Variants in DPP6 observed in about 807,000 individuals in gnomAD.
The protein encoded by DPP6 is A-type potassium channel modulatory protein DPP6.
DPP6 carries 69 observed loss-of-function variants against 122.6 expected under a neutral mutation model. The ratio of observed to expected loss-of-function variants is 0.56; its 90% CI spans 0.46 to 0.69. The LOEUF is 0.69. DPP6 is among the 30% of genes least tolerant of loss of function. The pLI, the probability that DPP6 is intolerant of heterozygous loss-of-function variation, is 0.00. For missense variants in DPP6, 928 were observed against 1,116.9 expected, an observed-to-expected ratio of 0.83 and a Z score of 2.41; for synonymous variants, 418 against 433.1, an observed-to-expected ratio of 0.97 and a Z score of 0.43.
the DPP6 span, among the ~76,000 whole-genome samples, chr7:153,855,948 G>A: frequency 6.6e-6 from 1 of 152,066 alleles, no homozygotes; most frequent in Non-Finnish European, 1.5e-5. Flanking sequence ...CAACTATTAT[G>A]TAGTGCCATA....
At chr7:153,867,519 GA>G in the DPP6 span, among the ~76,000 whole-genome samples, 48 of 152,342 alleles carry the variant, frequency 3.2e-4, no homozygotes, top group African/African-American at 1.1e-3. Context: ...AGACTTTGCT[GA>G]AGTTGCTTAT....
At chr7:154,868,206 G>A (rs1167932610) in intron 18 of DPP6, 113 bp downstream of exon 18, 56 of 1,379,426 alleles carry the variant, frequency 4.1e-5, no homozygotes, top group Non-Finnish European at 5.0e-5. Context: ...CAAGCACGGG[G>A]GTGTATCTTT....
chr7:154,310,961 G>C (rs1332131076), intron 1 of DPP6, among the ~76,000 whole-genome samples: 1 of 152,224 alleles, frequency 6.6e-6, no homozygotes, highest in Non-Finnish European at 1.5e-5. Flanking sequence ...AGAGAGGGCA[G>C]AGTGAATCTG....
chr7:154,706,551 C>A (rs1023667852), intron 7 of DPP6, among the ~76,000 whole-genome samples: 2 of 152,178 alleles, frequency 1.3e-5, no homozygotes, highest in Non-Finnish European at 2.9e-5. Flanking sequence ...AAATGCACAG[C>A]CTTGGGCAGG....
intron 17 of DPP6, among the ~76,000 whole-genome samples, chr7:154,862,096 T>G (rs981576123): frequency 6.6e-6 from 1 of 152,226 alleles, no homozygotes; most frequent in African/African-American, 2.4e-5. Flanking sequence ...TACCCATTAC[T>G]GGGGGAGTTC....
chr7:153,941,499 G>C (rs1210919825), intron 1 of DPP6, among the ~76,000 whole-genome samples: 6 of 152,166 alleles, frequency 3.9e-5, no homozygotes, highest in Admixed American at 3.9e-4. Flanking sequence ...GCCATGGAAT[G>C]ATTCCCTGGC....
intron 5 of DPP6, among the ~76,000 whole-genome samples, chr7:154,632,833 G>T (rs1835488645): frequency 6.6e-6 from 1 of 152,170 alleles, no homozygotes; most frequent in Admixed American, 6.5e-5. Context: ...GAGAGAAGGA[G>T]GGGAGAGGGT....
the DPP6 span, among the ~76,000 whole-genome samples, chr7:153,864,529 G>A: frequency 3.9e-5 from 6 of 151,960 alleles, no homozygotes; most frequent in South Asian, 2.1e-4. Context: ...GGTGGTGGGC[G>A]CCTCTAATCC....
At chr7:153,809,511 G>A in the DPP6 span, among the ~76,000 whole-genome samples, 2 of 152,150 alleles carry the variant, frequency 1.3e-5, no homozygotes, top group East Asian at 3.9e-4. Flanking sequence ...AATGCTCAGT[G>A]GTAACACTTC....
In DPP6 at chr7:154,442,635, C is replaced by A. The variant is rs150150370; in HGVS notation, c.244-3579C>A. Among the ~76,000 whole-genome samples, 394 of 152,206 alleles carry A rather than the reference C, an allele frequency of 2.6e-3. 4 individuals are homozygous for A. The highest frequency in any genetic ancestry group is 8.8e-3 in the African/African-American group (364 of 41,522). On this transcript the variant is annotated intron_variant, in intron 1 of 25. Transcript: ENST00000377770. ...ATTTGGCCTAGAGGTAGAAAGAGGACAGACTTGCCATGTCACAGGGGCAAA... is the reference window on the plus strand; with the variant it reads ...ATTTGGCCTAGAGGTAGAAAGAGGAAAGACTTGCCATGTCACAGGGGCAAA...
chr7:154,498,358 A>AGAT (rs1337436705), intron 3 of DPP6, among the ~76,000 whole-genome samples: 1 of 152,060 alleles, frequency 6.6e-6, no homozygotes, highest in Admixed American at 6.6e-5. Context: ...TTATTTTTTG[A>AGAT]GATGGAGTCT....
chr7:154,581,837 C>T (rs1832091036), intron 5 of DPP6, among the ~76,000 whole-genome samples: 2 of 152,196 alleles, frequency 1.3e-5, no homozygotes, highest in Non-Finnish European at 2.9e-5. Flanking sequence ...CTCATATCCC[C>T]GGAATGTCCC....
At chr7:154,328,995 AGG>A (rs1808684669) in intron 1 of DPP6, among the ~76,000 whole-genome samples, 1 of 152,226 alleles carries the variant, frequency 6.6e-6, no homozygotes. Flanking sequence ...CTCTGTAAGT[AGG>A]GTTTTCCATC....
chr7:154,567,139 C>G (rs1378880094), intron 5 of DPP6, among the ~76,000 whole-genome samples: 4 of 152,162 alleles, frequency 2.6e-5, no homozygotes, highest in Non-Finnish European at 4.4e-5. Context: ...GAGGCTCTTT[C>G]ATAGACTTTT....
intron 17 of DPP6, among the ~76,000 whole-genome samples, chr7:154,864,317 G>T (rs1803674691): frequency 6.6e-6 from 1 of 152,138 alleles, no homozygotes; most frequent in Non-Finnish European, 1.5e-5. Flanking sequence ...GGGCCACTTG[G>T]AAGCATGTCT....
At chr7:154,814,603 T>G (rs745360314) in intron 16 of DPP6, among the ~76,000 whole-genome samples, 5 of 152,342 alleles carry the variant, frequency 3.3e-5, no homozygotes, top group African/African-American at 1.2e-4. Context: ...TGGACTCATC[T>G]TCTAGGACAG....
intron 3 of DPP6, among the ~76,000 whole-genome samples, chr7:154,529,748 T>A (rs2130094458): frequency 6.6e-6 from 1 of 152,178 alleles, no homozygotes; most frequent in South Asian, 2.1e-4. Context: ...AATAGAACAA[T>A]AAAAATTCTG....
intron 1 of DPP6, among the ~76,000 whole-genome samples, chr7:154,221,280 A>G (rs1800290931): frequency 6.6e-6 from 1 of 152,116 alleles, no homozygotes; most frequent in Admixed American, 6.5e-5. Context: ...AGATGGAACT[A>G]TAGGTGCCTG....
intron 1 of DPP6, among the ~76,000 whole-genome samples, chr7:154,120,162 AT>A (rs953836006): frequency 3.5e-4 from 53 of 150,708 alleles, no homozygotes; most frequent in African/African-American, 7.1e-4. Flanking sequence ...ACACTTTATA[AT>A]TTTTTTTTAT....
Sources: gnomAD v4.1 joint callset for allele counts (sites outside exome capture counted in the v4.1 genomes callset) on GRCh38, gnomAD v4.1.1 for gene constraint, MANE v1.5 for transcripts, NCBI Gene and HGNC (gene_info 2026-07-23, HGNC 2026-07-21) for gene names.